The following FASTKD3 variants were observed in gnomAD, a reference collection of about 807,000 sequenced individuals.
FASTKD3 encodes the protein FAST kinase domain-containing protein 3, mitochondrial.
In FASTKD3, 47 loss-of-function variants were observed where a neutral mutation model predicts 49.7. The observed-to-expected ratio is 0.95, with a 90% CI of 0.75 to 1.21. FASTKD3 has a LOEUF of 1.21. Among genes scored for constraint, FASTKD3 ranks in the 50% most tolerant of loss-of-function variants. FASTKD3 has a pLI of 0.00. For missense variants in FASTKD3, 748 were observed against 765.7 expected (o/e 0.98, Z 0.27); for synonymous variants, 284 against 288.6 (o/e 0.98, Z 0.16).
chr5:7,865,875 C>A, intron 3 of FASTKD3, 23 bp downstream of exon 3: 1 of 1,577,770 alleles, frequency 6.3e-7, no homozygotes, highest in South Asian at 1.1e-5. Flanking sequence ...GGAAATAAAG[C>A]CACATATAGT....
chr5:7,867,425 A>G lies in FASTKD3; in HGVS notation c.659T>C (p.Ile220Thr). 1.2e-6 allele frequency: 2 copies of G among 1,614,214 alleles called. No homozygotes were observed. Among genetic ancestry groups the G allele is most frequent in the Non-Finnish European group, 1.7e-6 (2 of 1,180,044 alleles). The part of the protein sequence containing the change: ...KGGMEVRNLC[I>T]LGESLITLHS... ...CAGTGTAATCAGACTTTCCCCAAGA[A>G]TACAAAGATTGCGAACTTCCATGCC... Residue 220 changes from isoleucine to threonine, a missense_variant, in exon 2 of 7, where the codon ATT (isoleucine) becomes ACT (threonine). By Grantham distance (89) the Ile-to-Thr change is moderately conservative (BLOSUM62 -1). Around this residue, in one of 3 missense-constraint regions of FASTKD3, gnomAD observed 564 missense variants for 562.8 expected, o/e 1.00. Transcript: ENST00000264669.
rs1747066878 is a variant in FASTKD3 at position 7,867,481 on chromosome 5, C to T, written c.603G>A (p.Val201=). The change falls in exon 2 of 7, where the codon GTG becomes GTA. Residue 201 remains valine, a synonymous_variant. Coordinates refer to ENST00000264669, the MANE Select transcript of FASTKD3 (RefSeq NM_024091.4). The stretch of plus-strand genomic sequence containing the variant: ...TTCTGAGACGATTTTGGCATTCTGC[C>T]ACCAGGTTCAGCAACAGGCTACTTT... ...DPQSSLLLNL[V]AECQNRLRKG... 2 of 1,614,210 alleles carry T rather than the reference C, an allele frequency of 1.2e-6. No homozygotes were observed. The highest frequency in any genetic ancestry group is 1.7e-6 in the Non-Finnish European group (2 of 1,180,042).
In FASTKD3 at chr5:7,859,410, A is replaced by T; in HGVS notation, c.*25T>A. 1.4e-6 allele frequency: 2 copies of T among 1,431,916 alleles called. No homozygotes were observed. Among genetic ancestry groups the T allele is most frequent in the Non-Finnish European group, 1.9e-6 (2 of 1,036,884 alleles). 88.7% of individuals were successfully genotyped at this position (1,431,916 alleles called of 1,614,324 possible). A position where few individuals can be genotyped will look rare whatever the true frequency, so the allele number is the denominator to read the frequency against. ...GTTCCATAAAAATGCAAGTTCTTCC[A>T]TTGTTTGAGTTCTGAAGTCAGTATT... On this transcript the variant is annotated 3_prime_UTR_variant, in exon 7 of 7. Transcript: ENST00000264669.
At chr5:7,861,358 C>A in intron 5 of FASTKD3, 95 bp from the exon 6 acceptor site, 1 of 677,158 alleles carries the variant, frequency 1.5e-6, no homozygotes, top group South Asian at 3.6e-5. Context: ...TGGGATTTGG[C>A]TATTACTATG....
chr5:7,864,087 G>A (rs1311715974), intron 3 of FASTKD3, among the ~76,000 whole-genome samples: 6 of 152,190 alleles, frequency 3.9e-5, no homozygotes, highest in Non-Finnish European at 8.8e-5. Flanking sequence ...CTGACCTCAG[G>A]TGATCCACCC....
rs143616198 is a variant in FASTKD3, at chr5:7,867,760, G to A, written c.324C>T (p.Asn108=). 444 of 1,614,020 alleles carry A rather than the reference G, an allele frequency of 2.8e-4. 1 individual carries two copies. The highest frequency in any genetic ancestry group is 4.2e-5 in the Non-Finnish European group (50 of 1,180,040). Residue 108 remains asparagine, a synonymous_variant, in exon 2 of 7, where the codon AAC becomes AAT. Coordinates refer to ENST00000264669, the MANE Select transcript of FASTKD3 (RefSeq NM_024091.4). The part of the protein sequence containing the change: ...ESQMFYRRLS[N]LTSSEEVLSF... ...TTAGCACTTCTTCTGATGAAGTCAA[G>A]TTGCTCAGTCTCCTGTAAAACATCT...
Position 7,859,349 on chromosome 5 carries a change from T to G in FASTKD3, c.*86A>C. On this transcript the variant is annotated 3_prime_UTR_variant, in exon 7 of 7. Transcript: ENST00000264669. ...CCAGTCTAGAACATATTCTGCAAAGTGGCTAATTCACATTATATTTTTCTT... is the reference window on the plus strand; with the variant it reads ...CCAGTCTAGAACATATTCTGCAAAGGGGCTAATTCACATTATATTTTTCTT... 1 of 708,608 alleles carries G rather than the reference T, an allele frequency of 1.4e-6. No individual in the cohort carries two copies. Among genetic ancestry groups the G allele is most frequent in the East Asian group, 2.8e-5 (1 of 35,524 alleles). 43.9% of individuals were successfully genotyped at this position (708,608 alleles called of 1,614,324 possible).
intron 3 of FASTKD3, chr5:7,863,325 T>A (rs551906203): frequency 1.8e-4 from 48 of 267,914 alleles, no homozygotes; most frequent in African/African-American, 1.0e-3. Flanking sequence ...TCAAGAAACA[T>A]TTTTAGAACT....
chr5:7,859,649 G>T, intron 6 of FASTKD3, 110 bp from the exon 7 acceptor site: 1 of 635,024 alleles, frequency 1.6e-6, no homozygotes, highest in Non-Finnish European at 2.6e-6. Context: ...CGGAATGTAA[G>T]CTCCTGGAAG....
chr5:7,862,795 AAAC>A, intron 4 of FASTKD3, 25 bp downstream of exon 4: 1 of 1,584,796 alleles, frequency 6.3e-7, no homozygotes, highest in Admixed American at 1.8e-5. Context: ...CTTAGGTTTA[AAAC>A]AACAAAACTC....
In FASTKD3 at chr5:7,861,608, T is replaced by C; in HGVS notation, c.1744A>G (p.Thr582Ala). The change falls in exon 5 of 7, where the codon ACA (threonine) becomes GCA (alanine). Residue 582 changes from threonine to alanine, a missense_variant. Thr to Ala is a moderately conservative substitution (Grantham distance 58). Coordinates refer to ENST00000264669, the MANE Select transcript of FASTKD3 (RefSeq NM_024091.4). ...CTTTTATGGATATCTTCATTAGCTG[T>C]GGATGGCAATACAAATCCTTCTTCA... Reference protein sequence around the residue: ...LDEEGFVLPSTANEDIHKRIA... With the variant: ...LDEEGFVLPSAANEDIHKRIA... 1 of 1,605,824 alleles carries C rather than the reference T, an allele frequency of 6.2e-7. No homozygotes were observed. The highest frequency in any genetic ancestry group is 8.5e-7 in the Non-Finnish European group (1 of 1,176,014).
At position 7,859,332 on chromosome 5, in the gene FASTKD3, G is replaced by C. The variant is rs1469685829; in HGVS notation, c.*103C>G. 1.6e-6 allele frequency: 1 copy of C among 630,112 alleles called. No homozygotes were observed. The highest frequency in any genetic ancestry group is 1.9e-5 in the African/African-American group (1 of 53,708). 39.0% of individuals were successfully genotyped at this position (630,112 alleles called of 1,614,324 possible). On this transcript the variant is annotated 3_prime_UTR_variant, in exon 7 of 7. Transcript: ENST00000264669. ...CAGATGCTTTCAGATCACCAGTCTA[G>C]AACATATTCTGCAAAGTGGCTAATT... is the stretch of plus-strand genomic sequence containing the variant.
chr5:7,866,604 A>C, intron 2 of FASTKD3, 42 bp downstream of exon 2: 1 of 1,429,960 alleles, frequency 7.0e-7, no homozygotes, highest in African/African-American at 1.4e-5. Flanking sequence ...GCCAGTTCAA[A>C]GGTTACTTTT....
At position 7,869,027 on chromosome 5, in the gene FASTKD3, G is replaced by A. The variant is rs375444705; in HGVS notation, c.-162C>T. 4 of 1,356,180 alleles carry A rather than the reference G, an allele frequency of 2.9e-6. No individual in the cohort carries two copies. Among genetic ancestry groups the A allele is most frequent in the African/African-American group, 2.9e-5 (2 of 69,910 alleles). 84.0% of individuals were successfully genotyped at this position (1,356,180 alleles called of 1,614,324 possible). A position where few individuals can be genotyped will look rare whatever the true frequency, so the allele number is the denominator to read the frequency against. On this transcript the variant is annotated 5_prime_UTR_variant, in exon 1 of 7. It adds an upstream start codon to the 5' untranslated region. Coordinates refer to ENST00000264669, the MANE Select transcript of FASTKD3 (RefSeq NM_024091.4). ...CGGGTGGTCGCGGAAGCGCCTGGGC[G>A]TCGTGGGCCTCCGTAGCAAACGCGG... is the stretch of plus-strand genomic sequence containing the variant.
intron 6 of FASTKD3, among the ~76,000 whole-genome samples, chr5:7,860,636 A>T (rs1248705271): frequency 6.6e-6 from 1 of 152,204 alleles, no homozygotes; most frequent in African/African-American, 2.4e-5. Flanking sequence ...TCGGTGGTCC[A>T]CTGGGCTGGC....
At position 7,867,968 on chromosome 5, in the gene FASTKD3, T is replaced by A. The variant is rs1289890386; in HGVS notation, c.116A>T (p.Glu39Val). The change falls in exon 2 of 7, where the codon GAG (glutamate) becomes GTG (valine). Residue 39 changes from glutamate (E) to valine (V), a missense_variant. Transcript: ENST00000264669. ...TGAACACAACCAAGGGCACAGACGC[T>A]CCTTGACTACCTTGTGAACATGATT... ...PLNHVHKVVK[E>V]RLCPWLCSRQ... 1.2e-6 allele frequency: 2 copies of A among 1,614,106 alleles called. No individual in the cohort carries two copies. The highest frequency in any genetic ancestry group is 1.7e-6 in the Non-Finnish European group (2 of 1,179,960).
Position 7,867,907 on chromosome 5 carries a change from A to G in FASTKD3, c.177T>C (p.His59=). The change falls in exon 2 of 7, where the codon CAT becomes CAC. Residue 59 remains histidine, a synonymous_variant. Coordinates refer to ENST00000264669, the MANE Select transcript of FASTKD3 (RefSeq NM_024091.4). ...TCGAATGAAACTTTTTACAATGGGC[A>G]TGATGGAATTTGACCCCGAAAGGCT... is the stretch of plus-strand genomic sequence containing the variant. ...QPEPFGVKFH[H]AHCKKFHSKN... is the part of the protein sequence containing the mutation. 1.2e-6 allele frequency: 2 copies of G among 1,614,194 alleles called. No homozygotes were observed. The highest frequency in any genetic ancestry group is 1.7e-6 in the Non-Finnish European group (2 of 1,180,034).
At chr5:7,863,100 T>C (rs568037970) in intron 3 of FASTKD3, 103 bp from the exon 4 acceptor site, 93 of 955,918 alleles carry the variant, frequency 9.7e-5, no homozygotes, top group Non-Finnish European at 1.4e-4. Context: ...AACATTACTT[T>C]ATAGGCATGA....
In FASTKD3 at chr5:7,867,510, G is replaced by A; in HGVS notation, c.574C>T (p.Pro192Ser). ...LQALILLHVD[P>S]QSSLLLNLVA... ...AGGTTCAGCAACAGGCTACTTTGAG[G>A]ATCCACATGCAACAGAATCAGAGCT... The change falls in exon 2 of 7, where the codon CCT becomes TCT. Residue 192 changes from proline to serine, a missense_variant. Pro to Ser is a moderately conservative substitution (Grantham distance 74, BLOSUM62 -1). Around this residue, in one of 3 missense-constraint regions of FASTKD3, gnomAD observed 564 missense variants for 562.8 expected, o/e 1.00. Transcript: ENST00000264669. 6.2e-7 allele frequency: 1 copy of A among 1,614,236 alleles called. No individual in the cohort carries two copies. Among genetic ancestry groups the A allele is most frequent in the Non-Finnish European group, 8.5e-7 (1 of 1,180,052 alleles).
Sources: allele counts gnomAD v4.1 joint callset (sites outside exome capture counted in the v4.1 genomes callset), GRCh38; gene constraint gnomAD v4.1.1; regional missense constraint gnomAD v4.1.1; transcripts MANE v1.5; gene names NCBI Gene and HGNC (gene_info 2026-07-23, HGNC 2026-07-21).